Variants in KIF13A observed in about 807,000 individuals in gnomAD.
The protein encoded by KIF13A is kinesin family member 13A.
KIF13A carries 79 observed loss-of-function variants against 212.2 expected under a neutral mutation model. The ratio of observed to expected loss-of-function variants is 0.37; its 90% CI spans 0.31 to 0.45. The LOEUF (loss-of-function observed/expected upper bound fraction) is 0.45, where lower values mean the gene tolerates loss of function less well. Among genes scored for constraint, KIF13A ranks in the 20% least tolerant of loss-of-function variants. The pLI is 1.00. For synonymous variants in KIF13A, 789 were observed against 808.6 expected (o/e 0.98, Z 0.41); for missense variants, 1,901 against 2,209.0 (o/e 0.86, Z 2.79).
chr6:17,799,578 GACAC>G lies in KIF13A; in HGVS notation c.2617-143_2617-140del. 1 of 679,726 alleles carries G rather than the reference GACAC, an allele frequency of 1.5e-6. No homozygotes were observed. The highest frequency in any genetic ancestry group is 2.2e-5 in the South Asian group (1 of 45,354). The allele number at this position is 679,726 out of a possible 1,614,324, so 42.1% of individuals were successfully genotyped here. On this transcript the variant is annotated intron_variant, in intron 21 of 38. Transcript: ENST00000259711. The surrounding 1 kb of genome is among the most constrained non-coding windows in gnomAD (Gnocchi z 4.4). ...GTGAAAATATTATATCTGACACCGT[GACAC>G]TAAGGGTTGTATCGATAATGAAATC...
intron 2 of KIF13A, among the ~76,000 whole-genome samples, chr6:17,928,255 G>C (rs1001301665): frequency 1.3e-5 from 2 of 152,162 alleles, no homozygotes; most frequent in South Asian, 4.1e-4. Flanking sequence ...CTATAGCGTA[G>C]GTGTTTTGTG....
At chr6:17,910,873 C>T (rs1452921787) in intron 2 of KIF13A, among the ~76,000 whole-genome samples, 2 of 152,184 alleles carry the variant, frequency 1.3e-5, no homozygotes, top group South Asian at 2.1e-4. Context: ...TGCCATTCTC[C>T]TGCCTCAGCC....
At chr6:17,890,488 T>C (rs1383502911) in intron 3 of KIF13A, among the ~76,000 whole-genome samples, 1 of 152,122 alleles carries the variant, frequency 6.6e-6, no homozygotes, top group African/African-American at 2.4e-5. Flanking sequence ...TCCCTGTACC[T>C]ATCAATAGAG....
intron 17 of KIF13A, among the ~76,000 whole-genome samples, chr6:17,815,303 C>CAGTT (rs1554170474): frequency 0.94 from 143,523 of 152,096 alleles, 67,775 homozygotes; most frequent in East Asian, 1. Context: ...CACAGGGAGA[C>CAGTT]AGGCCTCTGG....
chr6:17,953,716 G>A (rs1274562184), intron 2 of KIF13A: 18 of 189,634 alleles, frequency 9.5e-5, no homozygotes, highest in Non-Finnish European at 1.9e-4. Flanking sequence ...ACTACGATGA[G>A]CCTGTGTATA....
In KIF13A at chr6:17,769,974, G is replaced by T. The variant is rs78948255; in HGVS notation, c.4581+1140C>A. Among the ~76,000 whole-genome samples, 3,356 of 152,246 alleles carry T rather than the reference G, an allele frequency of 0.022. 59 individuals carry two copies. Among genetic ancestry groups the T allele is most frequent in the Middle Eastern group, 0.044 (13 of 294 alleles). On this transcript the variant is annotated intron_variant, in intron 38 of 38. Transcript: ENST00000259711. This position sits in a 1 kb window ranked among gnomAD's most constrained non-coding sequence, Gnocchi z 5.8. The stretch of plus-strand genomic sequence containing the variant: ...GGAGGGGAAGAGGGATGAAGAAATA[G>T]AGGGAAAATGGTGCTTTTCTTCTTT...
rs1759659467 is a variant in KIF13A, at chr6:17,773,359, T to C, written c.4324+119A>G. The C allele has an allele frequency of 1.8e-6, 1 of 556,510 alleles. No individual in the cohort carries two copies. 34.5% of individuals were successfully genotyped at this position (556,510 alleles called of 1,614,324 possible). A position where few individuals can be genotyped will look rare whatever the true frequency, so the allele number is the denominator to read the frequency against. On this transcript the variant is annotated intron_variant, in intron 36 of 38. Transcript: ENST00000259711. This position sits in a 1 kb window ranked among gnomAD's most constrained non-coding sequence, Gnocchi z 4.2. ...TACATTCAATAACAGTTTTGTATCA[T>C]CTAGTTAACTAGAATATCAGCTTCA...
intron 2 of KIF13A, among the ~76,000 whole-genome samples, chr6:17,941,789 C>CT (rs201442914): frequency 0.016 from 2,212 of 138,370 alleles, 50 homozygotes; most frequent in African/African-American, 0.051. Flanking sequence ...AATACATTTG[C>CT]TTTTTTTTTT....
chr6:17,948,382 T>C (rs1330901838), intron 2 of KIF13A, among the ~76,000 whole-genome samples: 1 of 152,126 alleles, frequency 6.6e-6, no homozygotes, highest in Non-Finnish European at 1.5e-5. Context: ...CACAGTTTTC[T>C]TTGGAAAATA....
At chr6:17,958,374 C>T (rs1167879812) in intron 2 of KIF13A, among the ~76,000 whole-genome samples, 2 of 152,176 alleles carry the variant, frequency 1.3e-5, no homozygotes, top group African/African-American at 2.4e-5. Flanking sequence ...TTTAAGAATA[C>T]TTATGTTTGC....
rs765559702 is a variant in KIF13A at position 17,828,245 on chromosome 6, A to G, written c.1527T>C (p.Asn509=). The change falls in exon 14 of 39, where the codon AAT becomes AAC. Residue 509 remains asparagine, a synonymous_variant. Coordinates refer to ENST00000259711, the MANE Select transcript of KIF13A (RefSeq NM_022113.6). This position sits in a 1 kb window ranked among gnomAD's most constrained non-coding sequence, Gnocchi z 4.3. The part of the protein sequence containing the change: ...DGDVTLTPKE[N]ARSCVNGTLV... Reference sequence around the variant, plus strand: ...TCACCATTTACTTTTCTTACCTTGCATTTTCTTTTGGAGTGAGAGTGACGT... The same window carrying G: ...TCACCATTTACTTTTCTTACCTTGCGTTTTCTTTTGGAGTGAGAGTGACGT... The G allele has an allele frequency of 5.6e-6, 9 of 1,609,618 alleles. No homozygotes were observed. In the Admixed American group the frequency reaches 8.4e-5, roughly 15 times the overall value.
intron 29 of KIF13A, among the ~76,000 whole-genome samples, 156 bp from the exon 30 acceptor site, chr6:17,781,457 C>T (rs371638158): frequency 6.6e-6 from 1 of 152,014 alleles, no homozygotes; most frequent in Non-Finnish European, 1.5e-5. Flanking sequence ...AATAGAGACT[C>T]CAAGACTCAC....
intron 12 of KIF13A, 37 bp from the exon 13 acceptor site, chr6:17,831,272 T>A (rs376022265): frequency 6.3e-7 from 1 of 1,594,106 alleles, no homozygotes; most frequent in African/African-American, 1.4e-5. Context: ...GAAACTCTGT[T>A]TGTTGTTCTA....
chr6:17,905,166 G>C (rs1354039685), intron 2 of KIF13A, among the ~76,000 whole-genome samples: 1 of 152,208 alleles, frequency 6.6e-6, no homozygotes, highest in Non-Finnish European at 1.5e-5. Context: ...GCTATCATTA[G>C]TATTAGTGTA....
chr6:17,783,672 A>G lies in KIF13A; in HGVS notation c.3518T>C (p.Ile1173Thr), dbSNP rs1157711566. The change falls in exon 29 of 39, where the codon ATA (isoleucine) becomes ACA (threonine). Residue 1173 changes from isoleucine (I) to threonine (T), a missense_variant. Physicochemically the swap from Ile to Thr is moderately conservative, Grantham distance 89. Transcript: ENST00000259711. This position sits in a 1 kb window ranked among gnomAD's most constrained non-coding sequence, Gnocchi z 4.3. The part of the protein sequence containing the change: ...WIPPPGMETH[I>T]PVLFLDLNAD... ...ATTCAAATCGAGGAAGAGAACTGGTATGTGGGTTTCCATTCCAGGAGGTGG... is the reference window on the plus strand; with the variant it reads ...ATTCAAATCGAGGAAGAGAACTGGTGTGTGGGTTTCCATTCCAGGAGGTGG... The G allele has an allele frequency of 6.3e-7, 1 of 1,582,668 alleles. No homozygotes were observed. The highest frequency in any genetic ancestry group is 8.6e-7 in the Non-Finnish European group (1 of 1,160,974).
At chr6:17,793,124 G>C (rs1438025354) in intron 25 of KIF13A, among the ~76,000 whole-genome samples, 1 of 152,092 alleles carries the variant, frequency 6.6e-6, no homozygotes, top group Admixed American at 6.6e-5. Flanking sequence ...CTGTCACCCA[G>C]GCTGGAGTGC....
At chr6:17,763,098 C>T (rs569927317), downstream of KIF13A, among the ~76,000 whole-genome samples, 8 of 152,178 alleles carry the variant, frequency 5.3e-5, no homozygotes, top group Non-Finnish European at 1.0e-4. Context: ...TACTTCAGAG[C>T]AGAATGCTCA....
At chr6:17,863,408 A>AC (rs1355448210) in intron 4 of KIF13A, among the ~76,000 whole-genome samples, 1 of 151,164 alleles carries the variant, frequency 6.6e-6, no homozygotes, top group Non-Finnish European at 1.5e-5. Flanking sequence ...GGTACAGGGA[A>AC]AAAAAAAACC....
chr6:17,862,630 C>T (rs948573828), intron 4 of KIF13A, among the ~76,000 whole-genome samples: 1 of 151,892 alleles, frequency 6.6e-6, no homozygotes, highest in South Asian at 2.1e-4. Context: ...TAGTGAGACC[C>T]CTATCTCTAC....
Sources: allele counts gnomAD v4.1 joint callset (sites outside exome capture counted in the v4.1 genomes callset), GRCh38; gene constraint gnomAD v4.1.1; non-coding constraint Gnocchi (gnomAD v3.1); transcripts MANE v1.5; gene names NCBI Gene and HGNC (gene_info 2026-07-23, HGNC 2026-07-21).